Variants in DCUN1D4 observed in about 807,000 individuals in gnomAD.
The protein encoded by DCUN1D4 is defective in cullin neddylation 1 domain containing 4.
A neutral mutation model predicts 47.9 loss-of-function variants in DCUN1D4; 22 were observed. That is an observed-to-expected ratio of 0.46 (90% CI 0.33 to 0.66). The LOEUF (loss-of-function observed/expected upper bound fraction) is 0.66. DCUN1D4 is among the 30% of genes least tolerant of loss of function. The pLI, the probability that DCUN1D4 is intolerant of heterozygous loss-of-function variation, is 0.02. For missense variants in DCUN1D4, 301 were observed against 340.8 expected (o/e 0.88, Z 0.92); for synonymous variants, 121 against 112.2 (o/e 1.08, Z -0.50).
chr4:51,876,837 C>A (rs897111843), intron 4 of DCUN1D4, among the ~76,000 whole-genome samples: 2 of 152,008 alleles, frequency 1.3e-5, no homozygotes, highest in Admixed American at 1.3e-4. Context: ...ATATTATTTT[C>A]ATATTCTTAC....
chr4:51,846,119 G>A (rs930955331), intron 1 of DCUN1D4, among the ~76,000 whole-genome samples: 1 of 152,012 alleles, frequency 6.6e-6, no homozygotes, highest in African/African-American at 2.4e-5. Flanking sequence ...TATCCCAAAG[G>A]GCAGGTGCTT....
At chr4:51,891,898 G>T (rs755785284) in intron 7 of DCUN1D4, 47 bp downstream of exon 7, 1 of 1,453,124 alleles carries the variant, frequency 6.9e-7, no homozygotes, top group South Asian at 1.2e-5. Flanking sequence ...TTCCCAGGTG[G>T]TTGCCTCCTT....
chr4:51,845,019 G>A (rs6824707), intron 1 of DCUN1D4: 322,578 of 985,262 alleles, frequency 0.33, 59,656 homozygotes, highest in African/African-American at 0.76. Context: ...CCCTCTTCAC[G>A]CTTAGGTTCT....
At chr4:51,905,050 C>G in intron 8 of DCUN1D4, 2 of 310,494 alleles carry the variant, frequency 6.4e-6, no homozygotes, top group South Asian at 2.7e-5. Flanking sequence ...TTTAACAGCT[C>G]TCTACCAAAA....
intron 8 of DCUN1D4, among the ~76,000 whole-genome samples, chr4:51,906,824 A>C (rs569928895): frequency 3.9e-5 from 6 of 152,052 alleles, no homozygotes; most frequent in South Asian, 4.1e-4. Context: ...TTCCTTCCTT[A>C]CTTCTGAGGG....
rs530909992 is a variant in DCUN1D4 at position 51,843,494 on chromosome 4, G to A, written c.25+227G>A. ...GGACCGGCCTGCGGGGAGGGCGGAG[G>A]TGAGGGGGGTGGGGACTGGCTCTCT... On this transcript the variant is annotated intron_variant, in intron 1 of 10. Transcript: ENST00000334635. 4.3e-4 allele frequency: 554 copies of A among 1,287,620 alleles called. 2 individuals carry two copies. In the East Asian group the frequency reaches 0.016, roughly 37 times the overall value. 79.8% of individuals were successfully genotyped at this position (1,287,620 alleles called of 1,614,324 possible). A position where few individuals can be genotyped will look rare whatever the true frequency, so the allele number is the denominator to read the frequency against.
intron 5 of DCUN1D4, among the ~76,000 whole-genome samples, chr4:51,885,398 C>T (rs1729311834): frequency 6.6e-6 from 1 of 152,102 alleles, no homozygotes; most frequent in South Asian, 2.1e-4. Flanking sequence ...CAGGAAGACT[C>T]CCAGGTTTCT....
intron 8 of DCUN1D4, among the ~76,000 whole-genome samples, chr4:51,904,349 A>G (rs1385586145): frequency 6.6e-6 from 1 of 152,014 alleles, no homozygotes; most frequent in South Asian, 2.1e-4. Flanking sequence ...CTGCTCACTC[A>G]TTTGCAATGT....
Position 51,863,790 on chromosome 4 carries a change from A to C in DCUN1D4, c.136+81A>C, listed in dbSNP as rs1029197723. On this transcript the variant is annotated intron_variant, in intron 3 of 10. Transcript: ENST00000334635. Reference sequence around the variant, plus strand: ...GAGAAATACTAGCTATGAATGCGCTATGTTGTCATAATGTACTCCATTAAC... The same window carrying C: ...GAGAAATACTAGCTATGAATGCGCTCTGTTGTCATAATGTACTCCATTAAC... 2.1e-5 allele frequency: 30 copies of C among 1,408,036 alleles called. No homozygotes were observed. In the South Asian group the frequency reaches 2.5e-4, roughly 12 times the overall value. The allele number at this position is 1,408,036 out of a possible 1,614,324, so 87.2% of individuals were successfully genotyped here.
chr4:51,837,453 G>A, the DCUN1D4 span, among the ~76,000 whole-genome samples: 689 of 151,866 alleles, frequency 4.5e-3, 4 homozygotes, highest in Non-Finnish European at 7.6e-3. Context: ...GGATCACGAG[G>A]TCAGGAGATC....
rs752819194 is a variant in DCUN1D4 at position 51,899,337 on chromosome 4, A to C, written c.574A>C (p.Asn192His). The C allele has an allele frequency of 1.2e-6, 2 of 1,608,930 alleles. No individual in the cohort carries two copies. Among genetic ancestry groups the C allele is most frequent in the East Asian group, 2.2e-5 (1 of 44,708 alleles). The change falls in exon 8 of 11, where the codon AAC becomes CAC. Residue 192 changes from asparagine (N) to histidine (H), a missense_variant. By Grantham distance (68) the Asn-to-His change is moderately conservative (BLOSUM62 1). This residue lies in a region of DCUN1D4 where 170 missense variants were observed against 234.5 expected (regional missense o/e 0.73). Coordinates refer to ENST00000334635, the MANE Select transcript of DCUN1D4 (RefSeq NM_001040402.3). Reference sequence around the variant, plus strand: ...AAGATCATTCTTAAATGATTCTACAAACTTTAAACTTATTTACAGATATGC... The same window carrying C: ...AAGATCATTCTTAAATGATTCTACACACTTTAAACTTATTTACAGATATGC... Reference protein sequence around the residue: ...YLRSFLNDSTNFKLIYRYAFD... With the variant: ...YLRSFLNDSTHFKLIYRYAFD...
chr4:51,912,649 A>C (rs1316353749), intron 9 of DCUN1D4, among the ~76,000 whole-genome samples: 8 of 152,228 alleles, frequency 5.3e-5, no homozygotes, highest in Non-Finnish European at 7.3e-5. Context: ...TTCTCGTCTA[A>C]GAGGAATAGA....
At chr4:51,906,308 G>C (rs968679560) in intron 8 of DCUN1D4, among the ~76,000 whole-genome samples, 2 of 152,134 alleles carry the variant, frequency 1.3e-5, no homozygotes, top group Non-Finnish European at 2.9e-5. Context: ...CCTCTTCTCT[G>C]TACCACAATG....
At chr4:51,884,743 G>A (rs1326137924) in intron 5 of DCUN1D4, among the ~76,000 whole-genome samples, 1 of 152,162 alleles carries the variant, frequency 6.6e-6, no homozygotes. Context: ...CTAGCATTGC[G>A]AGGGGTCACA....
intron 4 of DCUN1D4, among the ~76,000 whole-genome samples, chr4:51,876,985 T>C (rs1706193344): frequency 6.6e-6 from 1 of 152,192 alleles, no homozygotes; most frequent in Non-Finnish European, 1.5e-5. Flanking sequence ...TTGCCTCCTC[T>C]TCCCTCTCCA....
intron 1 of DCUN1D4, 123 bp downstream of exon 1, chr4:51,843,390 A>AC (rs1721901068): frequency 7.5e-7 from 1 of 1,331,660 alleles, no homozygotes; most frequent in South Asian, 1.7e-5. Flanking sequence ...CTGCCTGGGA[A>AC]CCACCCCTTC....
chr4:51,882,840 A>AAG (rs753200513), intron 5 of DCUN1D4, among the ~76,000 whole-genome samples: 1 of 152,104 alleles, frequency 6.6e-6, no homozygotes, highest in Non-Finnish European at 1.5e-5. Flanking sequence ...ATAGAAACCA[A>AAG]AGAGAGAGGA....
chr4:51,872,310 G>A (rs913993751), intron 3 of DCUN1D4, among the ~76,000 whole-genome samples: 1 of 152,206 alleles, frequency 6.6e-6, no homozygotes, highest in Non-Finnish European at 1.5e-5. Flanking sequence ...TAGCAGGGTT[G>A]TGAATGTTGG....
intron 5 of DCUN1D4, among the ~76,000 whole-genome samples, chr4:51,880,675 G>A (rs761796650): frequency 3.3e-5 from 5 of 152,220 alleles, no homozygotes; most frequent in Admixed American, 6.5e-5. Context: ...ACCCTTCTTC[G>A]CTGGGGGCTT....
Sources: gnomAD v4.1 joint callset for allele counts (sites outside exome capture counted in the v4.1 genomes callset) on GRCh38, gnomAD v4.1.1 for gene constraint, gnomAD v4.1.1 regional missense constraint, MANE v1.5 for transcripts, NCBI Gene and HGNC (gene_info 2026-07-23, HGNC 2026-07-21) for gene names.